Variants in TAFA1 observed in about 807,000 individuals in gnomAD.
TAFA1 encodes TAFA chemokine like family member 1.
TAFA1 carries 4 observed loss-of-function variants against 18.5 expected under a neutral mutation model. The ratio of observed to expected loss-of-function variants is 0.22; its 90% CI spans 0.11 to 0.49. The LOEUF is 0.49. TAFA1 is among the 20% of genes least tolerant of loss of function. The probability of loss-of-function intolerance (pLI) is 0.98; values close to 1 mark genes in which losing one functional copy is unlikely to be tolerated. For synonymous variants in TAFA1, 56 were observed against 55.2 expected (o/e 1.01, Z -0.06); for missense variants, 147 against 169.0 (o/e 0.87, Z 0.72).
chr3:68,297,103 G>T (rs938971163), intron 2 of TAFA1, among the ~76,000 whole-genome samples: 1 of 152,154 alleles, frequency 6.6e-6, no homozygotes, highest in African/African-American at 2.4e-5. Context: ...AGCAAGCCCA[G>T]GTAGCTGGAG....
chr3:68,392,980 G>T (rs1434830458), intron 2 of TAFA1, among the ~76,000 whole-genome samples: 1 of 151,934 alleles, frequency 6.6e-6, no homozygotes, highest in Non-Finnish European at 1.5e-5. Context: ...TTCACAAGCT[G>T]TCAGAAGACA....
At chr3:68,016,094 C>A (rs1704564369) in intron 2 of TAFA1, among the ~76,000 whole-genome samples, 1 of 152,038 alleles carries the variant, frequency 6.6e-6, no homozygotes, top group Non-Finnish European at 1.5e-5. Context: ...GGTTTAGTTT[C>A]ATCATTATCA....
chr3:68,328,451 C>T (rs2068811177), intron 2 of TAFA1, among the ~76,000 whole-genome samples: 1 of 152,118 alleles, frequency 6.6e-6, no homozygotes, highest in Non-Finnish European at 1.5e-5. Context: ...AGTTTTGAAG[C>T]CCCTTCAGCT....
chr3:68,495,207 T>C (rs1033860992), intron 3 of TAFA1, among the ~76,000 whole-genome samples: 1 of 152,198 alleles, frequency 6.6e-6, no homozygotes, highest in Non-Finnish European at 1.5e-5. Flanking sequence ...CTTAGCAACA[T>C]TTGGTGCTTC....
intron 2 of TAFA1, among the ~76,000 whole-genome samples, chr3:68,279,444 C>T (rs2067857977): frequency 6.6e-6 from 1 of 152,130 alleles, no homozygotes; most frequent in Non-Finnish European, 1.5e-5. Flanking sequence ...AAAATGTTGA[C>T]ACTGACTTTT....
At chr3:68,225,546 G>T (rs2066788266) in intron 2 of TAFA1, among the ~76,000 whole-genome samples, 2 of 152,110 alleles carry the variant, frequency 1.3e-5, no homozygotes, top group Admixed American at 1.3e-4. Context: ...CTACCACAAG[G>T]TGTGGATACT....
chr3:68,295,535 T>A (rs2068192040), intron 2 of TAFA1, among the ~76,000 whole-genome samples: 1 of 152,186 alleles, frequency 6.6e-6, no homozygotes, highest in African/African-American at 2.4e-5. Context: ...TCAAGCCTAT[T>A]TACCCTCACA....
In TAFA1 at chr3:68,033,733, G is replaced by A. The variant is rs113951905; in HGVS notation, c.118+26989G>A. 9.5e-4 allele frequency among the ~76,000 whole-genome samples: 145 copies of A among 152,306 alleles called. 3 individuals are homozygous for A. The highest frequency in any genetic ancestry group is 3.1e-3 in the African/African-American group (130 of 41,574). On this transcript the variant is annotated intron_variant, in intron 2 of 4. Transcript: ENST00000478136. ...CAGTATTTCTTCTTTTCTGTAGGAA[G>A]AGGAACTGGAATATATGTTTTCCCC... is the stretch of plus-strand genomic sequence containing the variant.
intron 2 of TAFA1, among the ~76,000 whole-genome samples, chr3:68,024,643 C>T (rs922364004): frequency 6.6e-6 from 1 of 152,132 alleles, no homozygotes; most frequent in Admixed American, 6.6e-5. Flanking sequence ...ATACCAAGTG[C>T]TGCTTTCTTG....
chr3:68,249,506 A>C (rs1402664714), intron 2 of TAFA1, among the ~76,000 whole-genome samples: 2 of 152,176 alleles, frequency 1.3e-5, no homozygotes. Context: ...TATGTATCAA[A>C]CAGCATAAGA....
At chr3:68,075,698 CTT>C (rs61592269) in intron 2 of TAFA1, among the ~76,000 whole-genome samples, 209 of 139,344 alleles carry the variant, frequency 1.5e-3, no homozygotes, top group Middle Eastern at 3.8e-3. Context: ...TCTTCTTTCC[CTT>C]TTTTTTTTTT....
intron 2 of TAFA1, among the ~76,000 whole-genome samples, chr3:68,382,740 G>A (rs1398421828): frequency 6.6e-6 from 1 of 152,112 alleles, no homozygotes; most frequent in Non-Finnish European, 1.5e-5. Flanking sequence ...CTAGTTCTGT[G>A]AAGAATGTCA....
At position 68,393,815 on chromosome 3, in the gene TAFA1, C is replaced by G. The variant is rs559202695; in HGVS notation, c.119-23465C>G. Reference sequence around the variant, plus strand: ...AAGGCCTTTGATAAAATTCAACACCCCTTCATGCTAAAAACACTCAATAAA... The same window carrying G: ...AAGGCCTTTGATAAAATTCAACACCGCTTCATGCTAAAAACACTCAATAAA... On this transcript the variant is annotated intron_variant, in intron 2 of 4. Transcript: ENST00000478136. Among the ~76,000 whole-genome samples, 23 of 152,202 alleles carry G rather than the reference C, an allele frequency of 1.5e-4. No homozygotes were observed. In the East Asian group the frequency reaches 2.5e-3, roughly 17 times the overall value.
chr3:68,331,513 A>T (rs1242267419), intron 2 of TAFA1, among the ~76,000 whole-genome samples: 3 of 152,220 alleles, frequency 2.0e-5, no homozygotes, highest in Non-Finnish European at 4.4e-5. Context: ...TAGACTTTTT[A>T]AAAAATAAAT....
In TAFA1 at chr3:68,544,846, T is replaced by A. The variant is rs899280946; in HGVS notation, c.*343T>A. The A allele has an allele frequency of 2.0e-5, 3 of 153,188 alleles. No homozygotes were observed. The highest frequency in any genetic ancestry group is 7.2e-5 in the African/African-American group (3 of 41,426). The allele number at this position is 153,188 out of a possible 1,614,324, so 9.5% of individuals were successfully genotyped here. A position where few individuals can be genotyped will look rare whatever the true frequency, so the allele number is the denominator to read the frequency against. On this transcript the variant is annotated 3_prime_UTR_variant, in exon 5 of 5. Coordinates refer to ENST00000478136, the MANE Select transcript of TAFA1 (RefSeq NM_213609.4). Reference sequence around the variant, plus strand: ...ATATATAATATTTTGAAATATTATCTATTCTCTTCAAGAAATGAACAGTAC... The same window carrying A: ...ATATATAATATTTTGAAATATTATCAATTCTCTTCAAGAAATGAACAGTAC...
At chr3:68,377,740 C>T (rs2069846732) in intron 2 of TAFA1, among the ~76,000 whole-genome samples, 1 of 152,140 alleles carries the variant, frequency 6.6e-6, no homozygotes, top group South Asian at 2.1e-4. Flanking sequence ...CAAGTGGCCT[C>T]AAAGCCTAGG....
At chr3:68,296,143 T>C (rs909553847) in intron 2 of TAFA1, among the ~76,000 whole-genome samples, 2 of 152,184 alleles carry the variant, frequency 1.3e-5, no homozygotes, top group Non-Finnish European at 2.9e-5. Context: ...CTCTAGAGAA[T>C]TGCCTATGTG....
At position 68,027,949 on chromosome 3, in the gene TAFA1, C is replaced by T. The variant is rs145043941; in HGVS notation, c.118+21205C>T. On this transcript the variant is annotated intron_variant, in intron 2 of 4. Transcript: ENST00000478136. ...ACTGAAGAGGGTTTTTGGCTTCTTA[C>T]ATATGTAACCTAAGAGATGGAAATC... Among the ~76,000 whole-genome samples the T allele has an allele frequency of 2.6e-5, 4 of 152,244 alleles. No homozygotes were observed. In the East Asian group the frequency reaches 7.7e-4, roughly 29 times the overall value.
chr3:68,384,334 G>A (rs1232994279), intron 2 of TAFA1, among the ~76,000 whole-genome samples: 1 of 151,976 alleles, frequency 6.6e-6, no homozygotes, highest in Non-Finnish European at 1.5e-5. Context: ...TCTTAACACT[G>A]CTTTAGCTGT....
Sources: gnomAD v4.1 joint callset for allele counts (sites outside exome capture counted in the v4.1 genomes callset) on GRCh38, gnomAD v4.1.1 for gene constraint, MANE v1.5 for transcripts, NCBI Gene and HGNC (gene_info 2026-07-23, HGNC 2026-07-21) for gene names.